MARCHF3: variants seen among roughly 807,000 people sequenced by gnomAD.
MARCHF3 encodes the protein membrane associated ring-CH-type finger 3, also known as E3 ubiquitin-protein ligase MARCHF3.
MARCHF3 carries 13 observed loss-of-function variants against 24.2 expected under a neutral mutation model. The observed-to-expected ratio is 0.54, with a 90% confidence interval of 0.35 to 0.85. The LOEUF is 0.85. MARCHF3 is among the 40% of genes least tolerant of loss of function. The pLI, the probability that MARCHF3 is intolerant of heterozygous loss-of-function variation, is 0.01. For synonymous variants in MARCHF3, 144 were observed against 137.3 expected, an observed-to-expected ratio of 1.05 and a Z score of -0.34; for missense variants, 276 against 325.0, an observed-to-expected ratio of 0.85 and a Z score of 1.16.
At chr5:126,917,920 T>C (rs1748948774) in intron 2 of MARCHF3, 64 bp downstream of exon 2, 2 of 1,538,412 alleles carry the variant, frequency 1.3e-6, no homozygotes, top group African/African-American at 2.7e-5. Flanking sequence ...CCATTAGCAT[T>C]TTCCATCTGA....
intron 1 of MARCHF3, among the ~76,000 whole-genome samples, chr5:126,991,610 C>T (rs2126843529): frequency 6.6e-6 from 1 of 152,184 alleles, no homozygotes; most frequent in Admixed American, 6.5e-5. Context: ...GTCCCAGCTA[C>T]TCAGGGAGGC....
At chr5:126,914,355 C>A (rs1754644865) in intron 3 of MARCHF3, among the ~76,000 whole-genome samples, 1 of 152,080 alleles carries the variant, frequency 6.6e-6, no homozygotes, top group African/African-American at 2.4e-5. Flanking sequence ...TATTTTCATT[C>A]AAACCGTTGC....
At chr5:126,908,483 C>T (rs1754384728) in intron 3 of MARCHF3, among the ~76,000 whole-genome samples, 1 of 152,198 alleles carries the variant, frequency 6.6e-6, no homozygotes, top group African/African-American at 2.4e-5. Flanking sequence ...TTGGTCTTTT[C>T]ACATAGTCCC....
intron 1 of MARCHF3, among the ~76,000 whole-genome samples, chr5:126,922,476 C>T (rs1749139719): frequency 6.6e-6 from 1 of 151,802 alleles, no homozygotes; most frequent in African/African-American, 2.4e-5. Flanking sequence ...TTCATTTCTG[C>T]TCTTTTTCTA....
chr5:126,952,767 T>C lies in MARCHF3; in HGVS notation c.-56-34540A>G, dbSNP rs1040906102. On this transcript the variant is annotated intron_variant, in intron 1 of 4. Coordinates refer to ENST00000308660, the MANE Select transcript of MARCHF3 (RefSeq NM_178450.5). Reference sequence around the variant, plus strand: ...GTTGGGGAAACTGGCCCTATTTCACTTCCCTCCATTGTTCCTCCTTCTTCT... The same window carrying C: ...GTTGGGGAAACTGGCCCTATTTCACCTCCCTCCATTGTTCCTCCTTCTTCT... Among the ~76,000 whole-genome samples the C allele has an allele frequency of 7.2e-5, 11 of 152,186 alleles. No individual in the cohort carries two copies. The South Asian group carries it at 2.3e-3, about 31-fold the overall frequency.
intron 4 of MARCHF3, among the ~76,000 whole-genome samples, chr5:126,876,656 CT>C (rs757243862): frequency 7.4e-4 from 109 of 147,210 alleles, no homozygotes; most frequent in Admixed American, 8.8e-4. Context: ...GAAGCGTAGA[CT>C]TTTTTTTTTT....
At chr5:127,013,550 G>C (rs1054722881) in intron 1 of MARCHF3, among the ~76,000 whole-genome samples, 4 of 152,132 alleles carry the variant, frequency 2.6e-5, no homozygotes, top group African/African-American at 9.7e-5. Context: ...AAGTTATTAA[G>C]TGAGGAGGAA....
intron 3 of MARCHF3, among the ~76,000 whole-genome samples, chr5:126,884,541 ACTC>A (rs1561777057): frequency 6.6e-6 from 1 of 152,254 alleles, no homozygotes; most frequent in African/African-American, 2.4e-5. Context: ...CCAAAACAGA[ACTC>A]CTGATTAGCA....
At chr5:126,951,219 T>C (rs1261208030) in intron 1 of MARCHF3, among the ~76,000 whole-genome samples, 2 of 152,324 alleles carry the variant, frequency 1.3e-5, no homozygotes, top group Admixed American at 6.5e-5. Context: ...ACTTGATTAA[T>C]TTTCCTTCTA....
chr5:127,026,414 C>T (rs1394136137), intron 1 of MARCHF3, among the ~76,000 whole-genome samples: 2 of 152,194 alleles, frequency 1.3e-5, no homozygotes, highest in African/African-American at 2.4e-5. Context: ...GGCTTTGCCG[C>T]TTTTGTAATC....
intron 1 of MARCHF3, among the ~76,000 whole-genome samples, chr5:126,922,512 T>TTTTATTTATTTATTTATTTA (rs58540964): frequency 7.0e-6 from 1 of 142,820 alleles, no homozygotes; most frequent in Non-Finnish European, 1.5e-5. Context: ...CATTTCTGTC[T>TTTTATTTATTTATTTATTTA]TTTATTTATT....
At chr5:126,885,528 T>C (rs1018343092) in intron 3 of MARCHF3, among the ~76,000 whole-genome samples, 4 of 151,934 alleles carry the variant, frequency 2.6e-5, no homozygotes, top group Non-Finnish European at 4.4e-5. Flanking sequence ...GATTGTGCCA[T>C]TGCATTCCAG....
intron 1 of MARCHF3, among the ~76,000 whole-genome samples, chr5:127,003,762 A>T (rs1752216316): frequency 6.6e-6 from 1 of 152,208 alleles, no homozygotes; most frequent in Admixed American, 6.5e-5. Context: ...ACTTACAAAA[A>T]GTGGATAGTG....
Position 126,915,048 on chromosome 5 carries a change from G to A in MARCHF3, c.275C>T (p.Thr92Ile), listed in dbSNP as rs149427273. 2 of 1,614,066 alleles carry A rather than the reference G, an allele frequency of 1.2e-6. No homozygotes were observed. Among genetic ancestry groups the A allele is most frequent in the African/African-American group, 2.7e-5 (2 of 74,910 alleles). The change falls in exon 3 of 5, where the codon ACC (threonine) becomes ATC (isoleucine). Residue 92 changes from threonine (T) to isoleucine (I), a missense_variant. Thr to Ile is a moderately conservative substitution (Grantham distance 89, BLOSUM62 -1). Coordinates refer to ENST00000308660, the MANE Select transcript of MARCHF3 (RefSeq NM_178450.5). ...GCAGCTCCGATGAATTGTCCCCAAG[G>A]TCCCTGTACATTCACATGGAGAGAG... ...DLLSPCECTGTLGTIHRSCLE... is the reference protein window; with the variant it reads ...DLLSPCECTGILGTIHRSCLE...
intron 1 of MARCHF3, among the ~76,000 whole-genome samples, chr5:126,984,054 T>C (rs1210665593): frequency 6.6e-6 from 1 of 151,910 alleles, no homozygotes; most frequent in Non-Finnish European, 1.5e-5. Context: ...GGGGGGATAT[T>C]ATGCAATGCT....
At chr5:127,010,102 T>A (rs1429973680) in intron 1 of MARCHF3, among the ~76,000 whole-genome samples, 2 of 151,992 alleles carry the variant, frequency 1.3e-5, no homozygotes, top group African/African-American at 4.8e-5. Flanking sequence ...CCACTCAGGG[T>A]TCTGAGTGGG....
intron 1 of MARCHF3, among the ~76,000 whole-genome samples, chr5:126,983,518 A>G (rs772094507): frequency 2.0e-5 from 3 of 152,178 alleles, no homozygotes. Flanking sequence ...TCTCTTTTGG[A>G]TATCAGCAAA....
chr5:126,929,409 T>C (rs937149910), intron 1 of MARCHF3, among the ~76,000 whole-genome samples: 7 of 152,226 alleles, frequency 4.6e-5, no homozygotes, highest in Non-Finnish European at 1.0e-4. Context: ...AGGTACACAA[T>C]TCTAAGGGTC....
chr5:126,993,448 A>G (rs1226363826), intron 1 of MARCHF3, among the ~76,000 whole-genome samples: 1 of 152,002 alleles, frequency 6.6e-6, no homozygotes, highest in African/African-American at 2.4e-5. Flanking sequence ...ATGTGTTACA[A>G]TTTATGGAAA....
Sources: gnomAD v4.1 joint callset for allele counts (sites outside exome capture counted in the v4.1 genomes callset) on GRCh38, gnomAD v4.1.1 for gene constraint, MANE v1.5 for transcripts, NCBI Gene and HGNC (gene_info 2026-07-23, HGNC 2026-07-21) for gene names.